The following DDB1 variants were observed in gnomAD, a reference collection of about 807,000 sequenced individuals.
DDB1 encodes DNA damage-binding protein 1.
A neutral mutation model predicts 133.1 loss-of-function variants in DDB1; 18 were observed. That is an observed-to-expected ratio of 0.14 (90% CI 0.09 to 0.20). The LOEUF is 0.20. Ranked by LOEUF, DDB1 falls within the 10% of genes least tolerant of loss-of-function variation. The pLI, the probability that DDB1 is intolerant of heterozygous loss-of-function variation, is 1.00. For synonymous variants in DDB1, 580 were observed against 550.5 expected (o/e 1.05, Z -0.75); for missense variants, 828 against 1,459.2 (o/e 0.57, Z 7.05).
Position 61,331,524 on chromosome 11 carries a change from T to C in DDB1, c.210+19A>G, listed in dbSNP as rs1289641065. The C allele has an allele frequency of 6.2e-7, 1 of 1,610,080 alleles. No homozygotes were observed. Among genetic ancestry groups the C allele is most frequent in the Non-Finnish European group, 8.5e-7 (1 of 1,176,808 alleles). On this transcript the variant is annotated intron_variant, in intron 2 of 26. Transcript: ENST00000301764. Reference sequence around the variant, plus strand: ...CCAACAGTTCCCCCTCCACTGCTTGTCCCAACTGCAACACTTACCTTGGGC... The same window carrying C: ...CCAACAGTTCCCCCTCCACTGCTTGCCCCAACTGCAACACTTACCTTGGGC...
In DDB1 at chr11:61,304,877, A is replaced by T. The variant is rs529000823; in HGVS notation, c.2662-842T>A. Among the ~76,000 whole-genome samples the T allele has an allele frequency of 1.6e-4, 23 of 139,846 alleles. No homozygotes were observed. In the East Asian group the frequency reaches 3.7e-3, roughly 22 times the overall value. The allele number at this position is 139,846 out of a possible 152,430, so 91.7% of individuals were successfully genotyped here. ...TGGGGGACAGAGTGAGACTCCGCCT[A>T]AAAAAAAAAAAAAAGGAAAAAAAAA... On this transcript the variant is annotated intron_variant, in intron 21 of 26. Transcript: ENST00000301764.
chr11:61,313,994 T>C, intron 14 of DDB1, 25 bp from the exon 15 acceptor site: 1 of 1,614,164 alleles, frequency 6.2e-7, no homozygotes. Context: ...GACATTATGT[T>C]CTTGTTCCAC....
rs1855984007 is a variant in DDB1, at chr11:61,312,173, C to A, written c.2070-89G>T. The A allele has an allele frequency of 2.7e-6, 3 of 1,122,554 alleles. No homozygotes were observed. The East Asian group carries it at 7.1e-5, about 26-fold the overall frequency. 69.5% of individuals were successfully genotyped at this position (1,122,554 alleles called of 1,614,324 possible). ...ACTCCACAGAGGAAGAAAAACAAGG[C>A]AGGATTACACCAGCTTTGACTCCAT... On this transcript the variant is annotated intron_variant, in intron 16 of 26. Transcript: ENST00000301764.
At chr11:61,304,890 AAGGAAAAAAAAAG>A (rs1855860787) in intron 21 of DDB1, among the ~76,000 whole-genome samples, 3 of 151,880 alleles carry the variant, frequency 2.0e-5, no homozygotes. Context: ...AAAAAAAAAA[AAGGAAAAAAAAAG>A]AAACTGCTTT....
At chr11:61,300,959 G>A (rs574346571) in intron 25 of DDB1, 27 bp from the exon 26 acceptor site, 4 of 1,613,182 alleles carry the variant, frequency 2.5e-6, no homozygotes, top group African/African-American at 2.7e-5. Flanking sequence ...AGGAACACGT[G>A]CTTATCAGGA....
At chr11:61,326,184 A>G (rs1394975905) in intron 5 of DDB1, 3 of 236,898 alleles carry the variant, frequency 1.3e-5, no homozygotes, top group Non-Finnish European at 2.5e-5. Context: ...GACTTAGGAC[A>G]AGGAGTGAAG....
chr11:61,313,993 T>C (rs1565241851), intron 14 of DDB1, 24 bp from the exon 15 acceptor site: 3 of 1,614,150 alleles, frequency 1.9e-6, no homozygotes, highest in Admixed American at 1.7e-5. Flanking sequence ...GGACATTATG[T>C]TCTTGTTCCA....
At chr11:61,325,539 AGAGAAAGGGAG>A in intron 6 of DDB1, 61 bp downstream of exon 6, 1 of 1,269,214 alleles carries the variant, frequency 7.9e-7, no homozygotes, top group Non-Finnish European at 1.1e-6. Flanking sequence ...TTGATAAATA[AGAGAAAGGGAG>A]GAGCAAGGTG....
At position 61,314,199 on chromosome 11, in the gene DDB1, A is replaced by T. The variant is rs1295131550; in HGVS notation, c.1601T>A (p.Met534Lys). 6.2e-7 allele frequency: 1 copy of T among 1,605,044 alleles called. No individual in the cohort carries two copies. The highest frequency in any genetic ancestry group is 8.5e-7 in the Non-Finnish European group (1 of 1,175,450). The change falls in exon 14 of 27, where the codon ATG becomes AAG. Residue 534 changes from methionine (M) to lysine (K), a missense_variant. By Grantham distance (95) the Met-to-Lys change is moderately conservative. Transcript: ENST00000301764. ...GTCCAAGCAAGCCACTTCATGTTCCATCTCTGTGTGGCTGAACAAAGAAGA... is the reference window on the plus strand; with the variant it reads ...GTCCAAGCAAGCCACTTCATGTTCCTTCTCTGTGTGGCTGAACAAAGAAGA... Reference protein sequence around the residue: ...QELRQISHTEMEHEVACLDIT... With the variant: ...QELRQISHTEKEHEVACLDIT...
At chr11:61,332,534 C>T (rs1350643021) in intron 1 of DDB1, 1 of 190,134 alleles carries the variant, frequency 5.3e-6, no homozygotes, top group South Asian at 1.9e-4. Context: ...GACTTCCCCA[C>T]AGGAAAATCT....
intron 4 of DDB1, among the ~76,000 whole-genome samples, chr11:61,328,581 G>A (rs889782408): frequency 2.6e-5 from 4 of 152,154 alleles, no homozygotes; most frequent in African/African-American, 7.2e-5. Context: ...GAAGTTAAGA[G>A]CCAGCAAGTT....
chr11:61,324,313 GC>G (rs1856234453), intron 6 of DDB1, 176 bp from the exon 7 acceptor site: 17 of 615,940 alleles, frequency 2.8e-5, no homozygotes, highest in South Asian at 2.7e-4. Flanking sequence ...AAAATGGGGA[GC>G]TTTTTTATTT....
At chr11:61,301,148 T>C in intron 25 of DDB1, 3 of 619,062 alleles carry the variant, frequency 4.8e-6, no homozygotes, top group Non-Finnish European at 8.1e-6. Context: ...ATCTTCAAAA[T>C]AGTTTTTAAA....
Position 61,309,850 on chromosome 11 carries a change from G to A in DDB1, c.2512C>T (p.Pro838Ser), listed in dbSNP as rs1855933964. ...CCCTGCTTGGGCTCTGCCTCTTCAG[G>A]ATACACCATTGCTGTGCCCACAATG... ...YFIVGTAMVY[P>S]EEAEPKQGRI... Residue 838 changes from proline to serine, a missense_variant, in exon 20 of 27, where the codon CCT becomes TCT. Transcript: ENST00000301764. 6.2e-7 allele frequency: 1 copy of A among 1,614,178 alleles called. No individual in the cohort carries two copies. Among genetic ancestry groups the A allele is most frequent in the Non-Finnish European group, 8.5e-7 (1 of 1,180,038 alleles).
At position 61,329,380 on chromosome 11, in the gene DDB1, T is replaced by C. The variant is rs1474964888; in HGVS notation, c.532A>G (p.Ile178Val). The change falls in exon 4 of 27, where the codon ATT becomes GTT. Residue 178 changes from isoleucine to valine, a missense_variant. Around this residue, in one of 7 missense-constraint regions of DDB1, gnomAD observed 210 missense variants for 344.8 expected, o/e 0.61. Coordinates refer to ENST00000301764, the MANE Select transcript of DDB1 (RefSeq NM_001923.5). ...TCCAGTACCTGGTAGACAAAGCAAATAGTAGGTGCTTGGCAACCATATAGG... is the reference window on the plus strand; with the variant it reads ...TCCAGTACCTGGTAGACAAAGCAAACAGTAGGTGCTTGGCAACCATATAGG... ...KFLYGCQAPTICFVYQDPQGR... is the reference protein window; with the variant it reads ...KFLYGCQAPTVCFVYQDPQGR... 3.7e-6 allele frequency: 6 copies of C among 1,613,994 alleles called. No individual in the cohort carries two copies. Among genetic ancestry groups the C allele is most frequent in the Admixed American group, 1.7e-5 (1 of 59,986 alleles).
intron 10 of DDB1, among the ~76,000 whole-genome samples, chr11:61,319,587 A>AC (rs1856143323): frequency 1.3e-5 from 2 of 151,672 alleles, no homozygotes; most frequent in Non-Finnish European, 2.9e-5. Flanking sequence ...ACGCGCCACC[A>AC]CCCCCGGCTA....
intron 4 of DDB1, 51 bp from the exon 5 acceptor site, chr11:61,326,944 C>A (rs1266956096): frequency 7.1e-7 from 1 of 1,402,440 alleles, no homozygotes; most frequent in Non-Finnish European, 1.0e-6. Flanking sequence ...GAGCCTTGGG[C>A]TAGAGAGAGG....
chr11:61,330,086 T>A lies in DDB1; in HGVS notation c.211-12A>T, dbSNP rs1856341181. On this transcript the variant is annotated splice_polypyrimidine_tract_variant and intron_variant, in intron 2 of 26. Coordinates refer to ENST00000301764, the MANE Select transcript of DDB1 (RefSeq NM_001923.5). ...TCCTTGCTCTCCCCCTGGAAACCAATATTATGCTATCAAAAGAGGTTCTTT... is the reference window on the plus strand; with the variant it reads ...TCCTTGCTCTCCCCCTGGAAACCAAAATTATGCTATCAAAAGAGGTTCTTT... 6.2e-7 allele frequency: 1 copy of A among 1,602,162 alleles called. No individual in the cohort carries two copies.
At chr11:61,305,684 T>A (rs1263347350) in intron 21 of DDB1, among the ~76,000 whole-genome samples, 1 of 151,544 alleles carries the variant, frequency 6.6e-6, no homozygotes, top group Non-Finnish European at 1.5e-5. Context: ...CTGCCACCAC[T>A]CTCTCTCCAC....
Sources: allele counts gnomAD v4.1 joint callset (sites outside exome capture counted in the v4.1 genomes callset), GRCh38; gene constraint gnomAD v4.1.1; regional missense constraint gnomAD v4.1.1; transcripts MANE v1.5; gene names NCBI Gene and HGNC (gene_info 2026-07-23, HGNC 2026-07-21).